The following KDM4A variants were observed in gnomAD, a reference collection of about 807,000 sequenced individuals.
The protein encoded by KDM4A is lysine-specific demethylase 4A.
In KDM4A, 23 loss-of-function variants were observed where a neutral mutation model predicts 127.1. The observed-to-expected ratio is 0.18, with a 90% confidence interval of 0.13 to 0.26. KDM4A has a LOEUF of 0.26. KDM4A is among the 10% of genes least tolerant of loss of function. KDM4A has a pLI of 1.00. For synonymous variants in KDM4A, 443 were observed against 466.5 expected (o/e 0.95, Z 0.65); for missense variants, 890 against 1,329.1 (o/e 0.67, Z 5.14).
chr1:43,656,137 G>A (rs980421195), intron 3 of KDM4A, among the ~76,000 whole-genome samples: 1 of 152,120 alleles, frequency 6.6e-6, no homozygotes, highest in African/African-American at 2.4e-5. Flanking sequence ...GGGATGCTCT[G>A]TGTTTAATTG....
chr1:43,658,706 TG>T (rs1308929524), intron 3 of KDM4A, among the ~76,000 whole-genome samples: 5 of 151,912 alleles, frequency 3.3e-5, no homozygotes, highest in Non-Finnish European at 7.4e-5. Flanking sequence ...GGTTTCACCA[TG>T]TTAGACAGGA....
At chr1:43,677,775 A>T (rs1660775608) in intron 11 of KDM4A, among the ~76,000 whole-genome samples, 1 of 152,232 alleles carries the variant, frequency 6.6e-6, no homozygotes, top group African/African-American at 2.4e-5. Flanking sequence ...GGAATTATGG[A>T]TGATTTCACT....
rs1660209509 is a variant in KDM4A at position 43,655,101 on chromosome 1, C to T, written c.139-490C>T. On this transcript the variant is annotated intron_variant, in intron 2 of 21. Transcript: ENST00000372396. ...CTGACCTCAGGTGATCCACCTGCCTCGGCCTCCCAAAGTGCTGGGATTACC... is the reference window on the plus strand; with the variant it reads ...CTGACCTCAGGTGATCCACCTGCCTTGGCCTCCCAAAGTGCTGGGATTACC... 2.0e-5 allele frequency among the ~76,000 whole-genome samples: 3 copies of T among 152,256 alleles called. 1 individual carries two copies. The South Asian group carries it at 6.2e-4, about 32-fold the overall frequency.
At position 43,693,550 on chromosome 1, in the gene KDM4A, G is replaced by C. The variant is rs923475044; in HGVS notation, c.2376-444G>C. Among the ~76,000 whole-genome samples, 4 of 152,206 alleles carry C rather than the reference G, an allele frequency of 2.6e-5. No individual in the cohort carries two copies. Among genetic ancestry groups the C allele is most frequent in the Admixed American group, 6.5e-5 (1 of 15,282 alleles). ...CAGAAGGGAGAGGTCATTTCAGCCT[G>C]GGGGAGAGGTTTGGGCAGAGGCCGA... On this transcript the variant is annotated intron_variant, in intron 16 of 21. Coordinates refer to ENST00000372396, the MANE Select transcript of KDM4A (RefSeq NM_014663.3). The surrounding 1 kb of genome is among the most constrained non-coding windows in gnomAD (Gnocchi z 4.2).
chr1:43,697,303 A>G (rs1661263413), intron 18 of KDM4A, among the ~76,000 whole-genome samples: 1 of 152,224 alleles, frequency 6.6e-6, no homozygotes, highest in Non-Finnish European at 1.5e-5. Flanking sequence ...GTTCAGAATG[A>G]GAAGGGCATG....
intron 10 of KDM4A, among the ~76,000 whole-genome samples, chr1:43,670,644 A>C (rs553041317): frequency 6.5e-4 from 95 of 145,322 alleles, no homozygotes; most frequent in African/African-American, 2.4e-3. Context: ...GCTCACTGCA[A>C]CCTCCGCCTC....
chr1:43,669,479 A>G (rs1557908749), intron 10 of KDM4A, among the ~76,000 whole-genome samples, 180 bp downstream of exon 10: 1 of 152,098 alleles, frequency 6.6e-6, no homozygotes, highest in Non-Finnish European at 1.5e-5. Context: ...CTGGACACGT[A>G]GGGAAAAGCT....
At position 43,691,665 on chromosome 1, in the gene KDM4A, G is replaced by C. The variant is rs181213254; in HGVS notation, c.2319+93G>C. 4.0e-5 allele frequency: 42 copies of C among 1,062,626 alleles called. No individual in the cohort carries two copies. The Admixed American group carries it at 7.2e-4, about 18-fold the overall frequency. The allele number at this position is 1,062,626 out of a possible 1,614,324, so 65.8% of individuals were successfully genotyped here. ...CATGTTGGACTCAGTATTCCCAGCA[G>C]TCTGCATAGGGTCTGGTACGCGGTG... On this transcript the variant is annotated intron_variant, in intron 15 of 21. Coordinates refer to ENST00000372396, the MANE Select transcript of KDM4A (RefSeq NM_014663.3).
chr1:43,692,335 G>A (rs780677310), intron 16 of KDM4A, 24 bp downstream of exon 16: 2 of 1,601,156 alleles, frequency 1.2e-6, no homozygotes, highest in African/African-American at 1.3e-5. Context: ...GCAGTGCCTT[G>A]GAATGCACAG....
At chr1:43,701,642 C>G (rs1394927776) in intron 19 of KDM4A, among the ~76,000 whole-genome samples, 1 of 152,122 alleles carries the variant, frequency 6.6e-6, no homozygotes, top group Non-Finnish European at 1.5e-5. Context: ...CGTGTGCCAT[C>G]ACACCTGGAT....
intron 10 of KDM4A, among the ~76,000 whole-genome samples, chr1:43,670,803 C>T (rs1483289117): frequency 3.3e-5 from 5 of 151,996 alleles, no homozygotes; most frequent in Admixed American, 3.3e-4. Flanking sequence ...CATCGTGATC[C>T]GCCCACCTCA....
chr1:43,695,382 G>T (rs1196210177), intron 18 of KDM4A, among the ~76,000 whole-genome samples: 1 of 152,206 alleles, frequency 6.6e-6, no homozygotes, highest in Non-Finnish European at 1.5e-5. Flanking sequence ...TGGGTAGACG[G>T]TGGCATTTGA....
chr1:43,660,756 T>TC (rs1660355494), intron 4 of KDM4A, among the ~76,000 whole-genome samples: 1 of 152,164 alleles, frequency 6.6e-6, no homozygotes, highest in Non-Finnish European at 1.5e-5. Context: ...GATGACTGAC[T>TC]AATCTAATGA....
chr1:43,695,731 G>A (rs1661225755), intron 18 of KDM4A, among the ~76,000 whole-genome samples: 1 of 152,176 alleles, frequency 6.6e-6, no homozygotes, highest in Admixed American at 6.5e-5. Context: ...GAGAGAGTGA[G>A]GTCTGAAATG....
chr1:43,675,205 T>G (rs187528833), intron 11 of KDM4A, among the ~76,000 whole-genome samples: 1 of 152,376 alleles, frequency 6.6e-6, no homozygotes, highest in African/African-American at 2.4e-5. Context: ...TTGTTTGAAC[T>G]ACTTAAAAGT....
intron 12 of KDM4A, among the ~76,000 whole-genome samples, chr1:43,685,597 TCTCTACTA>T (rs1340424241): frequency 1.9e-4 from 29 of 151,806 alleles, no homozygotes; most frequent in Admixed American, 1.3e-4. Context: ...TGAAACACCA[TCTCTACTA>T]AAAATACAAA....
chr1:43,688,417 C>T lies in KDM4A; in HGVS notation c.1856-497C>T, dbSNP rs909408473. ...ACCTTTCCAGAGGAAGCTGGTAAGT[C>T]CTGGCCAAGGACCATGATATTACAA... is the stretch of plus-strand genomic sequence containing the variant. On this transcript the variant is annotated intron_variant, in intron 12 of 21. Coordinates refer to ENST00000372396, the MANE Select transcript of KDM4A (RefSeq NM_014663.3). This position sits in a 1 kb window ranked among gnomAD's most constrained non-coding sequence, Gnocchi z 4.4. 6.6e-6 allele frequency among the ~76,000 whole-genome samples: 1 copy of T among 152,122 alleles called. No individual in the cohort carries two copies. Among genetic ancestry groups the T allele is most frequent in the Non-Finnish European group, 1.5e-5 (1 of 68,032 alleles).
chr1:43,695,275 GA>G (rs2154048894), intron 18 of KDM4A, among the ~76,000 whole-genome samples: 1 of 152,346 alleles, frequency 6.6e-6, no homozygotes, highest in Non-Finnish European at 1.5e-5. Flanking sequence ...AGTTAACCAT[GA>G]ATTGCCAGAC....
chr1:43,702,423 G>C (rs1403525914), intron 19 of KDM4A: 1 of 152,106 alleles, frequency 6.6e-6, no homozygotes, highest in Non-Finnish European at 1.5e-5. Context: ...AATAAGTAGG[G>C]AACTGTTTCC....
Sources: gnomAD v4.1 joint callset for allele counts (sites outside exome capture counted in the v4.1 genomes callset) on GRCh38, gnomAD v4.1.1 for gene constraint, Gnocchi (gnomAD v3.1) non-coding constraint, MANE v1.5 for transcripts, NCBI Gene and HGNC (gene_info 2026-07-23, HGNC 2026-07-21) for gene names.